FRMPD3: variants seen among roughly 807,000 people sequenced by gnomAD.
FRMPD3 encodes the protein FERM and PDZ domain containing 3, also known as FERM and PDZ domain-containing protein 3.
In FRMPD3, 42 loss-of-function variants were observed where a neutral mutation model predicts 97.9. That is an observed-to-expected ratio of 0.43 (90% CI 0.34 to 0.55). FRMPD3 has a LOEUF of 0.55. FRMPD3 is among the 20% of genes least tolerant of loss of function. FRMPD3 has a pLI of 0.03. For synonymous variants in FRMPD3, 577 were observed against 581.1 expected, an observed-to-expected ratio of 0.99 and a Z score of 0.10; for missense variants, 1,303 against 1,457.7, an observed-to-expected ratio of 0.89 and a Z score of 1.73.
rs1183063111 is a variant in FRMPD3 at position 107,602,712 on chromosome X, C to A, written c.4673C>A (p.Ser1558Tyr). 8.3e-7 allele frequency: 1 copy of A among 1,208,635 alleles called. No homozygotes were observed. Among genetic ancestry groups the A allele is most frequent in the Non-Finnish European group, 1.1e-6 (1 of 894,820 alleles). ...TGCAGCAGCAGCAGCCCTGAGGCCT[C>A]CCGCACTCAGGAGATTGACCTCCGT... ...ATCSSSSPEA[S>Y]RTQEIDLRVS... The change falls in exon 15 of 15, where the codon TCC (serine) becomes TAC (tyrosine). Residue 1558 changes from serine to tyrosine, a missense_variant. Around this residue, in one of 3 missense-constraint regions of FRMPD3, gnomAD observed 764 missense variants for 820.2 expected, o/e 0.93. Transcript: ENST00000683843.
intron 1 of FRMPD3, among the ~76,000 whole-genome samples, chrX:107,466,989 G>GGTGTGT (rs773231357): frequency 0.034 from 3,360 of 98,044 alleles, 178 homozygotes; most frequent in African/African-American, 0.13. Context: ...ACAGGTTGGA[G>GGTGTGT]GTGTGTGTGT....
intron 2 of FRMPD3, among the ~76,000 whole-genome samples, chrX:107,528,860 G>A (rs1313174072): frequency 8.9e-6 from 1 of 112,971 alleles, no homozygotes; most frequent in African/African-American, 3.2e-5. Flanking sequence ...TAGGGCAATT[G>A]CTCCTCGAGC....
chrX:107,493,649 C>A (rs1412036062), intron 1 of FRMPD3, among the ~76,000 whole-genome samples: 1 of 111,574 alleles, frequency 9.0e-6, no homozygotes, highest in East Asian at 2.8e-4. Context: ...TCAGATCTTG[C>A]GACTCATTTG....
intron 13 of FRMPD3, among the ~76,000 whole-genome samples, chrX:107,596,052 G>A (rs1021942858): frequency 3.6e-5 from 4 of 111,230 alleles, no homozygotes; most frequent in Non-Finnish European, 7.5e-5. Context: ...TTTTCTTCCT[G>A]TATTTGGGAG....
chrX:107,507,658 G>A (rs1388569118), intron 1 of FRMPD3, among the ~76,000 whole-genome samples: 1 of 112,557 alleles, frequency 8.9e-6, no homozygotes, highest in African/African-American at 3.2e-5. Flanking sequence ...ACCACCCTTC[G>A]AGGTGGTGCA....
intron 6 of FRMPD3, 56 bp downstream of exon 6, chrX:107,550,212 T>A: frequency 1.3e-6 from 1 of 776,191 alleles, no homozygotes. Flanking sequence ...TACATGCAGT[T>A]GTGTGTCCTG....
intron 13 of FRMPD3, among the ~76,000 whole-genome samples, chrX:107,577,907 T>G (rs746930306): frequency 9.0e-6 from 1 of 111,729 alleles, no homozygotes; most frequent in African/African-American, 3.2e-5. Flanking sequence ...CCAAGGCATA[T>G]GAAGGAGATT....
Position 107,494,506 on chromosome X carries a change from G to A in FRMPD3, c.-7-32076G>A, listed in dbSNP as rs1921731104. The stretch of plus-strand genomic sequence containing the variant: ...TCTGTCTACTGACAATCCACAATTG[G>A]CGTGTTCAAGAATTTTCCTTATACA... On this transcript the variant is annotated intron_variant, in intron 1 of 14. Coordinates refer to ENST00000683843, the MANE Select transcript of FRMPD3 (RefSeq NM_001388459.1). 3.6e-5 allele frequency among the ~76,000 whole-genome samples: 4 copies of A among 111,754 alleles called. No homozygotes were observed. In the Admixed American group the frequency reaches 3.8e-4, roughly 11 times the overall value.
intron 4 of FRMPD3, among the ~76,000 whole-genome samples, chrX:107,540,193 AG>A (rs1274990977): frequency 1.8e-5 from 2 of 111,751 alleles, no homozygotes; most frequent in Non-Finnish European, 3.8e-5. Flanking sequence ...GTGGGAAGGA[AG>A]GCCCCCTGGT....
At position 107,560,805 on chromosome X, in the gene FRMPD3, C is replaced by G; in HGVS notation, c.978C>G (p.Leu326=). The change falls in exon 10 of 15, where the codon CTC becomes CTG. Residue 326 remains leucine (L), a synonymous_variant. Coordinates refer to ENST00000683843, the MANE Select transcript of FRMPD3 (RefSeq NM_001388459.1). The part of the protein sequence containing the change: ...VIKEKNLRKS[L]SQQLKAHQTH... Reference sequence around the variant, plus strand: ...AAGAGAAGAACCTCCGGAAATCTCTCTCTCAGCAACTGAAGGCTCACCAAA... The same window carrying G: ...AAGAGAAGAACCTCCGGAAATCTCTGTCTCAGCAACTGAAGGCTCACCAAA... The G allele has an allele frequency of 5.0e-6, 6 of 1,192,466 alleles. No homozygotes were observed. The highest frequency in any genetic ancestry group is 6.8e-6 in the Non-Finnish European group (6 of 885,677).
At chrX:107,453,487 A>C (rs1465232650) in intron 1 of FRMPD3, among the ~76,000 whole-genome samples, 2 of 110,946 alleles carry the variant, frequency 1.8e-5, no homozygotes, top group Non-Finnish European at 3.8e-5. Flanking sequence ...GGCCATTAGC[A>C]TTCCCAGCAG....
chrX:107,508,233 C>T (rs1922080850), intron 1 of FRMPD3, among the ~76,000 whole-genome samples: 1 of 111,651 alleles, frequency 9.0e-6, no homozygotes, highest in Admixed American at 9.5e-5. Context: ...GTTTGCTGTC[C>T]CTACAGCAAA....
chrX:107,471,416 T>G (rs1347382228), intron 1 of FRMPD3, among the ~76,000 whole-genome samples: 1 of 109,544 alleles, frequency 9.1e-6, no homozygotes, highest in Non-Finnish European at 1.9e-5. Flanking sequence ...CCATGGTGGT[T>G]TGCTGCACCT....
chrX:107,518,472 C>T (rs1448713193), intron 1 of FRMPD3, among the ~76,000 whole-genome samples: 1 of 111,442 alleles, frequency 9.0e-6, no homozygotes, highest in African/African-American at 3.3e-5. Flanking sequence ...TTAGAGGTCT[C>T]CTCGTCACCC....
chrX:107,520,919 C>A (rs1346823471), intron 1 of FRMPD3, among the ~76,000 whole-genome samples: 1 of 112,160 alleles, frequency 8.9e-6, no homozygotes, highest in Non-Finnish European at 1.9e-5. Context: ...GCACCTGGAG[C>A]ATAGTAAGTC....
At chrX:107,547,203 T>C (rs1168293651) in intron 5 of FRMPD3, among the ~76,000 whole-genome samples, 1 of 111,809 alleles carries the variant, frequency 8.9e-6, no homozygotes, top group African/African-American at 3.3e-5. Context: ...ATGTGTGTCC[T>C]GAATGCTTGA....
At chrX:107,556,417 G>A (rs1474290652) in intron 8 of FRMPD3, among the ~76,000 whole-genome samples, 1 of 110,881 alleles carries the variant, frequency 9.0e-6, no homozygotes, top group Non-Finnish European at 1.9e-5. Context: ...TCTGCTTCAT[G>A]ATGATATGGA....
chrX:107,473,247 A>G (rs1194452576), intron 1 of FRMPD3, among the ~76,000 whole-genome samples: 2 of 111,542 alleles, frequency 1.8e-5, no homozygotes. Flanking sequence ...TTTTCTACGG[A>G]AAGTATTTGA....
chrX:107,598,182 C>T (rs763297445), intron 14 of FRMPD3, 40 bp downstream of exon 14: 2 of 1,101,671 alleles, frequency 1.8e-6, no homozygotes, highest in Non-Finnish European at 2.5e-6. Context: ...ACCCCCTTCT[C>T]TTGTCCAACA....
Sources: gnomAD v4.1 joint callset for allele counts (sites outside exome capture counted in the v4.1 genomes callset) on GRCh38, gnomAD v4.1.1 for gene constraint, gnomAD v4.1.1 regional missense constraint, MANE v1.5 for transcripts, NCBI Gene and HGNC (gene_info 2026-07-23, HGNC 2026-07-21) for gene names.